Variants in NCKAP1 observed in about 807,000 individuals in gnomAD.
NCKAP1 encodes the protein NCK associated protein 1.
Under a neutral mutation model 151.2 loss-of-function variants are expected in NCKAP1, and 21 were observed. That is an observed-to-expected ratio of 0.14 (90% CI 0.10 to 0.20). The LOEUF is 0.20. NCKAP1 is among the 10% of genes least tolerant of loss of function. The pLI is 1.00. For missense variants in NCKAP1, 933 were observed against 1,352.1 expected, an observed-to-expected ratio of 0.69 and a Z score of 4.86; for synonymous variants, 484 against 451.8, an observed-to-expected ratio of 1.07 and a Z score of -0.90.
chr2:182,953,703 C>T (rs543356015), intron 20 of NCKAP1, among the ~76,000 whole-genome samples: 2 of 151,908 alleles, frequency 1.3e-5, no homozygotes, highest in Admixed American at 6.6e-5. Flanking sequence ...GAGGTTGAGA[C>T]AGGAGAATCG....
chr2:182,961,520 A>C (rs1697451619), intron 18 of NCKAP1, among the ~76,000 whole-genome samples: 1 of 152,138 alleles, frequency 6.6e-6, no homozygotes, highest in African/African-American at 2.4e-5. Context: ...ATAGGTGGGA[A>C]TTGAACAATG....
intron 1 of NCKAP1, among the ~76,000 whole-genome samples, chr2:183,030,030 C>A (rs1698976435): frequency 1.3e-5 from 2 of 152,172 alleles, no homozygotes; most frequent in South Asian, 2.1e-4. Flanking sequence ...CAACTACTGA[C>A]AGGACCTACA....
intron 23 of NCKAP1, among the ~76,000 whole-genome samples, chr2:182,944,195 A>C (rs2105813627): frequency 6.6e-6 from 1 of 152,350 alleles, no homozygotes; most frequent in East Asian, 1.9e-4. Flanking sequence ...ACTGATGAAT[A>C]AACTGAAAGC....
In NCKAP1 at chr2:182,952,414, A is replaced by G; in HGVS notation, c.2592T>C (p.Ala864=). Reference sequence around the variant, plus strand: ...ATAAAGACTATATTACCTTAAGTTCAGCAACTTGTGATGAAATATGCCACA... The same window carrying G: ...ATAAAGACTATATTACCTTAAGTTCGGCAACTTGTGATGAAATATGCCACA... ...SLMWHISSQV[A]ELKKLVVENV... is the part of the protein sequence containing the mutation. Residue 864 remains alanine, a synonymous_variant, in exon 23 of 31, where the codon GCT becomes GCC. Coordinates refer to ENST00000361354, the MANE Select transcript of NCKAP1 (RefSeq NM_013436.5). The G allele has an allele frequency of 6.2e-7, 1 of 1,602,384 alleles. No individual in the cohort carries two copies. The highest frequency in any genetic ancestry group is 8.5e-7 in the Non-Finnish European group (1 of 1,173,216).
At chr2:182,962,910 T>C (rs1164609666) in intron 17 of NCKAP1, among the ~76,000 whole-genome samples, 1 of 152,044 alleles carries the variant, frequency 6.6e-6, no homozygotes, top group Non-Finnish European at 1.5e-5. Context: ...GATTGTTTTT[T>C]TCTTATCTAT....
chr2:182,968,880 G>C (rs931549461), intron 15 of NCKAP1, among the ~76,000 whole-genome samples: 3 of 152,182 alleles, frequency 2.0e-5, no homozygotes, highest in Admixed American at 6.5e-5. Context: ...GGACCAATAG[G>C]TGGATGATGT....
chr2:182,959,626 A>G (rs1347026793), intron 18 of NCKAP1, among the ~76,000 whole-genome samples: 2 of 152,148 alleles, frequency 1.3e-5, no homozygotes, highest in Admixed American at 1.3e-4. Context: ...CCCACAGCCA[A>G]TATTATACTG....
At chr2:182,931,027 G>C (rs1454590262) in intron 26 of NCKAP1, among the ~76,000 whole-genome samples, 1 of 152,008 alleles carries the variant, frequency 6.6e-6, no homozygotes, top group Non-Finnish European at 1.5e-5. Context: ...TACTTTCTGT[G>C]GCACATTCCA....
chr2:183,020,850 C>A (rs1262816421), intron 2 of NCKAP1, among the ~76,000 whole-genome samples: 2 of 152,114 alleles, frequency 1.3e-5, no homozygotes, highest in African/African-American at 4.8e-5. Flanking sequence ...CTTCTCATGT[C>A]CTGATCCAAG....
At chr2:183,000,811 G>A (rs1698360920) in intron 6 of NCKAP1, among the ~76,000 whole-genome samples, 1 of 152,138 alleles carries the variant, frequency 6.6e-6, no homozygotes, top group African/African-American at 2.4e-5. Flanking sequence ...AAAGCACAGT[G>A]GCCAGGCACA....
chr2:183,028,289 A>C (rs1291786020), intron 1 of NCKAP1, among the ~76,000 whole-genome samples: 1 of 152,078 alleles, frequency 6.6e-6, no homozygotes, highest in Admixed American at 6.6e-5. Flanking sequence ...AACTCCCCCA[A>C]GTACCCTGTT....
At chr2:183,029,392 G>A (rs1698961922) in intron 1 of NCKAP1, among the ~76,000 whole-genome samples, 1 of 151,798 alleles carries the variant, frequency 6.6e-6, no homozygotes, top group Non-Finnish European at 1.5e-5. Flanking sequence ...TTACAGCATA[G>A]GATTACATAC....
intron 26 of NCKAP1, 103 bp from the exon 27 acceptor site, chr2:182,930,891 G>A (rs973851040): frequency 5.2e-6 from 5 of 960,896 alleles, no homozygotes; most frequent in African/African-American, 3.3e-5. Context: ...AGAGAATTTC[G>A]GAAACTTGGC....
intron 7 of NCKAP1, among the ~76,000 whole-genome samples, chr2:182,995,113 C>T (rs1164954501): frequency 6.6e-6 from 1 of 152,114 alleles, no homozygotes; most frequent in African/African-American, 2.4e-5. Context: ...ACCCTCAAAC[C>T]TCTCTTTAAA....
intron 18 of NCKAP1, among the ~76,000 whole-genome samples, chr2:182,960,532 T>C (rs1404036797): frequency 1.3e-5 from 2 of 152,158 alleles, no homozygotes; most frequent in African/African-American, 2.4e-5. Context: ...TAGCCATATG[T>C]AGAAAGCTGA....
chr2:182,923,271 T>A lies in NCKAP1; in HGVS notation c.*2431A>T, dbSNP rs144143319. ...TAAAAATCTATCCAATCTATCCAAA[T>A]GAGTATTTTCTTTTTTTTTTTGAGA... On this transcript the variant is annotated 3_prime_UTR_variant, in exon 31 of 31. Transcript: ENST00000361354. The A allele has an allele frequency of 1.3e-5, 2 of 152,050 alleles. No homozygotes were observed. The highest frequency in any genetic ancestry group is 2.9e-5 in the Non-Finnish European group (2 of 68,002). 9.4% of individuals were successfully genotyped at this position (152,050 alleles called of 1,614,324 possible).
intron 27 of NCKAP1, 50 bp downstream of exon 27, chr2:182,930,645 G>T: frequency 7.1e-7 from 1 of 1,406,732 alleles, no homozygotes; most frequent in Non-Finnish European, 1.0e-6. Flanking sequence ...TACCTATGCT[G>T]CCCTGGTAAC....
intron 1 of NCKAP1, among the ~76,000 whole-genome samples, chr2:183,037,392 C>G (rs1699123636): frequency 1.3e-5 from 2 of 152,180 alleles, no homozygotes; most frequent in Non-Finnish European, 2.9e-5. Context: ...CTCACTTCCC[C>G]CTCCTCTCCA....
intron 9 of NCKAP1, among the ~76,000 whole-genome samples, chr2:182,987,819 C>A (rs1053403653): frequency 6.6e-6 from 1 of 152,024 alleles, no homozygotes; most frequent in African/African-American, 2.4e-5. Context: ...ACTGACAGAT[C>A]ACTGCCATAA....
Sources: gnomAD v4.1 joint callset for allele counts (sites outside exome capture counted in the v4.1 genomes callset) on GRCh38, gnomAD v4.1.1 for gene constraint, MANE v1.5 for transcripts, NCBI Gene and HGNC (gene_info 2026-07-23, HGNC 2026-07-21) for gene names.